LINGO2: variants seen among roughly 807,000 people sequenced by gnomAD.
The protein encoded by LINGO2 is leucine-rich repeat and immunoglobulin-like domain-containing nogo receptor-interacting protein 2.
A neutral mutation model predicts 30.6 loss-of-function variants in LINGO2; 14 were observed. That is an observed-to-expected ratio of 0.46 (90% CI 0.30 to 0.72). The LOEUF (loss-of-function observed/expected upper bound fraction) is 0.72. Ranked by LOEUF, LINGO2 falls within the 30% of genes least tolerant of loss-of-function variation. The pLI, the probability that LINGO2 is intolerant of heterozygous loss-of-function variation, is 0.07. For missense variants in LINGO2, 729 were observed against 751.7 expected (o/e 0.97, Z 0.35); for synonymous variants, 317 against 288.5 (o/e 1.10, Z -1.00).
At chr9:28,709,214 A>G in the LINGO2 span, among the ~76,000 whole-genome samples, 2 of 152,004 alleles carry the variant, frequency 1.3e-5, no homozygotes, top group South Asian at 4.1e-4. Context: ...TATTATTTCT[A>G]ATAAAGTGTT....
At chr9:28,712,135 G>A in the LINGO2 span, among the ~76,000 whole-genome samples, 1 of 152,122 alleles carries the variant, frequency 6.6e-6, no homozygotes, top group South Asian at 2.1e-4. Context: ...AAAGAATAAT[G>A]CCGGTAGGAG....
chr9:28,994,426 GA>G, the LINGO2 span, among the ~76,000 whole-genome samples: 1 of 151,886 alleles, frequency 6.6e-6, no homozygotes, highest in Admixed American at 6.6e-5. Flanking sequence ...TCAATATCGT[GA>G]AAATGGCCAT....
intron 2 of LINGO2, among the ~76,000 whole-genome samples, chr9:28,432,916 C>T (rs983265235): frequency 1.3e-5 from 2 of 151,616 alleles, no homozygotes; most frequent in East Asian, 1.9e-4. Context: ...AGAAAATGAA[C>T]GTTGTTAAGA....
At chr9:29,206,986 C>T in the LINGO2 span, among the ~76,000 whole-genome samples, 1 of 152,020 alleles carries the variant, frequency 6.6e-6, no homozygotes, top group East Asian at 1.9e-4. Flanking sequence ...CACATCCTCA[C>T]CTCACGAGGA....
the LINGO2 span, among the ~76,000 whole-genome samples, chr9:28,924,438 C>T: frequency 6.6e-6 from 1 of 152,122 alleles, no homozygotes; most frequent in African/African-American, 2.4e-5. Context: ...CCAGGCTGGT[C>T]TCAAACTCCT....
intron 5 of LINGO2, among the ~76,000 whole-genome samples, chr9:27,980,819 A>T (rs1329488259): frequency 6.6e-6 from 1 of 151,844 alleles, no homozygotes; most frequent in African/African-American, 2.4e-5. Flanking sequence ...GGATAAGGCA[A>T]TAGGGGAAGT....
At chr9:28,028,829 C>T (rs1292397493) in intron 4 of LINGO2, among the ~76,000 whole-genome samples, 1 of 152,030 alleles carries the variant, frequency 6.6e-6, no homozygotes, top group African/African-American at 2.4e-5. Flanking sequence ...GCTGCCTACA[C>T]TCATATAGGG....
the LINGO2 span, among the ~76,000 whole-genome samples, chr9:28,733,108 G>A: frequency 6.6e-6 from 1 of 152,164 alleles, no homozygotes; most frequent in Non-Finnish European, 1.5e-5. Context: ...AAAACAGGAT[G>A]ATATTTGTGG....
intron 4 of LINGO2, among the ~76,000 whole-genome samples, chr9:28,196,761 G>A (rs1015658012): frequency 3.3e-5 from 5 of 151,730 alleles, no homozygotes; most frequent in Non-Finnish European, 3.0e-5. Flanking sequence ...AGGTTACCTG[G>A]AACTGGACAA....
intron 5 of LINGO2, among the ~76,000 whole-genome samples, chr9:28,011,162 T>C (rs546861016): frequency 6.6e-6 from 1 of 152,030 alleles, no homozygotes; most frequent in Non-Finnish European, 1.5e-5. Context: ...GAAAGTCAAA[T>C]GTAAGAGGCC....
intron 1 of LINGO2, among the ~76,000 whole-genome samples, chr9:28,514,790 C>G (rs938662394): frequency 2.0e-5 from 3 of 152,168 alleles, no homozygotes; most frequent in African/African-American, 7.2e-5. Context: ...CACTCAACAA[C>G]AGATTTTCAA....
chr9:28,745,211 T>C, the LINGO2 span, among the ~76,000 whole-genome samples: 1 of 152,092 alleles, frequency 6.6e-6, no homozygotes, highest in South Asian at 2.1e-4. Context: ...CTTCTTCCTA[T>C]GGGTTGCCCC....
the LINGO2 span, among the ~76,000 whole-genome samples, chr9:28,884,373 C>G: frequency 6.6e-6 from 1 of 152,034 alleles, no homozygotes; most frequent in Non-Finnish European, 1.5e-5. Flanking sequence ...GCAAACAGTT[C>G]TTCTGATCAG....
At chr9:28,656,925 C>A (rs1249664825) in intron 1 of LINGO2, among the ~76,000 whole-genome samples, 1 of 152,036 alleles carries the variant, frequency 6.6e-6, no homozygotes, top group African/African-American at 2.4e-5. Flanking sequence ...GGAAGACAGA[C>A]AACAAATAAC....
chr9:27,955,192 C>A (rs182794984), intron 5 of LINGO2, among the ~76,000 whole-genome samples: 1 of 152,134 alleles, frequency 6.6e-6, no homozygotes. Context: ...GTCTAATGCA[C>A]AGAATAATTC....
chr9:28,767,059 G>C, the LINGO2 span, among the ~76,000 whole-genome samples: 1 of 151,180 alleles, frequency 6.6e-6, no homozygotes, highest in Admixed American at 6.6e-5. Context: ...AAAACAGATA[G>C]TATGGTGGTT....
At chr9:29,028,980 G>A in the LINGO2 span, among the ~76,000 whole-genome samples, 1 of 152,116 alleles carries the variant, frequency 6.6e-6, no homozygotes, top group Admixed American at 6.6e-5. Context: ...AGTAATAGCT[G>A]TATACACAGC....
chr9:28,465,656 C>T (rs1319238305), intron 2 of LINGO2, among the ~76,000 whole-genome samples: 1 of 152,066 alleles, frequency 6.6e-6, no homozygotes, highest in Non-Finnish European at 1.5e-5. Flanking sequence ...AGGAACCAAT[C>T]AAGAAATTGA....
At chr9:28,226,659 G>GA (rs1168354034) in intron 4 of LINGO2, among the ~76,000 whole-genome samples, 1 of 78,428 alleles carries the variant, frequency 1.3e-5, no homozygotes, top group Non-Finnish European at 2.3e-5. Context: ...AAGAAAGAAA[G>GA]AAAGAAAGAA....
Sources: gnomAD v4.1 joint callset for allele counts (sites outside exome capture counted in the v4.1 genomes callset) on GRCh38, gnomAD v4.1.1 for gene constraint, MANE v1.5 for transcripts, NCBI Gene and HGNC (gene_info 2026-07-23, HGNC 2026-07-21) for gene names.